The following ITPR1 variants were observed in gnomAD, a reference collection of about 807,000 sequenced individuals.
ITPR1 encodes inositol 1,4,5-trisphosphate-gated calcium channel ITPR1.
Under a neutral mutation model 318.4 loss-of-function variants are expected in ITPR1, and 96 were observed. That is an observed-to-expected ratio of 0.30 (90% CI 0.26 to 0.36). The LOEUF (loss-of-function observed/expected upper bound fraction) is 0.36, where lower values mean the gene tolerates loss of function less well. Among genes scored for constraint, ITPR1 ranks in the 10% least tolerant of loss-of-function variants. The pLI is 1.00. For synonymous variants in ITPR1, 1,312 were observed against 1,289.9 expected (o/e 1.02, Z -0.37); for missense variants, 2,440 against 3,460.2 (o/e 0.71, Z 7.40).
Position 4,645,638 on chromosome 3 carries a change from A to G in ITPR1, c.765A>G (p.Glu255=), listed in dbSNP as rs926159378. The G allele has an allele frequency of 7.4e-6, 12 of 1,613,300 alleles. No individual in the cohort carries two copies. Among genetic ancestry groups the G allele is most frequent in the Non-Finnish European group, 1.0e-5 (12 of 1,179,682 alleles). ...AGGAGAAGTTTCTCACCTGTGACGA[A>G]CACAGGAAGAAGCAGCACGTCTTCC... The part of the protein sequence containing the change: ...AEQEKFLTCD[E]HRKKQHVFLR... The change falls in exon 10 of 62, where the codon GAA becomes GAG. Residue 255 remains glutamate, a synonymous_variant. Coordinates refer to ENST00000649015, the MANE Select transcript of ITPR1 (RefSeq NM_001378452.1).
intron 61 of ITPR1, among the ~76,000 whole-genome samples, chr3:4,843,873 G>T (rs1046969229): frequency 6.6e-6 from 1 of 152,180 alleles, no homozygotes; most frequent in Non-Finnish European, 1.5e-5. Flanking sequence ...AGTTTCAGAG[G>T]TTTCTTCAAG....
chr3:4,691,417 G>T (rs2094476646), intron 32 of ITPR1, 73 bp downstream of exon 32: 1 of 1,036,968 alleles, frequency 9.6e-7, no homozygotes, highest in Admixed American at 2.1e-5. Flanking sequence ...AATCTTATCT[G>T]TATGAACTTG....
chr3:4,499,005 A>G (rs921843827), intron 2 of ITPR1, among the ~76,000 whole-genome samples: 2 of 152,348 alleles, frequency 1.3e-5, no homozygotes, highest in Non-Finnish European at 2.9e-5. Context: ...ATTACATAAG[A>G]TATACATATT....
At chr3:4,518,954 A>G (rs573650678) in intron 3 of ITPR1, among the ~76,000 whole-genome samples, 1 of 152,186 alleles carries the variant, frequency 6.6e-6, no homozygotes, top group African/African-American at 2.4e-5. Context: ...CTTGGGCCTC[A>G]TCCTACAGCA....
At chr3:4,836,260 G>A (rs562442450) in intron 60 of ITPR1, among the ~76,000 whole-genome samples, 23 of 152,196 alleles carry the variant, frequency 1.5e-4, no homozygotes, top group Non-Finnish European at 2.4e-4. Flanking sequence ...CGGCGGGAAT[G>A]GGGTTAGTGT....
At chr3:4,727,260 G>A in intron 42 of ITPR1, 87 bp downstream of exon 42, 2 of 947,762 alleles carry the variant, frequency 2.1e-6, no homozygotes, top group South Asian at 3.6e-5. Flanking sequence ...TTGAGAGACA[G>A]CTTTTGTTGT....
chr3:4,591,573 G>A (rs2090400860), intron 4 of ITPR1, among the ~76,000 whole-genome samples: 1 of 152,118 alleles, frequency 6.6e-6, no homozygotes, highest in Admixed American at 6.5e-5. Context: ...AATGTAAAGA[G>A]GAAAAATAAA....
chr3:4,564,795 C>G (rs935697341), intron 4 of ITPR1, among the ~76,000 whole-genome samples: 1 of 152,132 alleles, frequency 6.6e-6, no homozygotes, highest in Non-Finnish European at 1.5e-5. Context: ...GCTGCCTGAA[C>G]TGTCTCAGAC....
Position 4,696,969 on chromosome 3 carries a change from T to C in ITPR1, c.4282-178T>C, listed in dbSNP as rs3749381. On this transcript the variant is annotated intron_variant, in intron 33 of 61. Transcript: ENST00000649015. ...CATGAAAATATTCTCTTCCAAAAGCTTTATGGTTTTGGATTTCATAATTGT... is the reference window on the plus strand; with the variant it reads ...CATGAAAATATTCTCTTCCAAAAGCCTTATGGTTTTGGATTTCATAATTGT... Among the ~76,000 whole-genome samples, 63,771 of 151,946 alleles carry C rather than the reference T, an allele frequency of 0.42. 14,417 individuals are homozygous for C. The highest frequency in any genetic ancestry group is 0.53 in the Non-Finnish European group (35,839 of 67,930).
At chr3:4,800,781 G>C (rs542884776) in intron 54 of ITPR1, among the ~76,000 whole-genome samples, 181 bp downstream of exon 54, 1 of 152,192 alleles carries the variant, frequency 6.6e-6, no homozygotes, top group Non-Finnish European at 1.5e-5. Flanking sequence ...TGACCTCCGC[G>C]TGGTGCAGTG....
intron 26 of ITPR1, among the ~76,000 whole-genome samples, chr3:4,683,095 C>T (rs2094330657): frequency 6.6e-6 from 1 of 152,200 alleles, no homozygotes; most frequent in Non-Finnish European, 1.5e-5. Flanking sequence ...ACAGACGAAG[C>T]CCAGCAGAAG....
chr3:4,608,399 G>A (rs368030181), intron 4 of ITPR1, among the ~76,000 whole-genome samples: 1 of 152,078 alleles, frequency 6.6e-6, no homozygotes, highest in Non-Finnish European at 1.5e-5. Context: ...TTTGAGACAC[G>A]ATTCAGAAGG....
chr3:4,846,098 G>A, intron 61 of ITPR1, 41 bp from the exon 62 acceptor site: 1 of 1,193,730 alleles, frequency 8.4e-7, no homozygotes, highest in South Asian at 1.4e-5. Flanking sequence ...TGACGTACAG[G>A]AAGTATCTGG....
At chr3:4,669,544 CATGTCTTGGT>C (rs1449416687) in intron 18 of ITPR1, 100 bp from the exon 19 acceptor site, 1 of 1,018,258 alleles carries the variant, frequency 9.8e-7, no homozygotes, top group African/African-American at 1.6e-5. Flanking sequence ...ATGCTGCTGA[CATGTCTTGGT>C]AAAGGTATGT....
intron 61 of ITPR1, among the ~76,000 whole-genome samples, chr3:4,843,591 T>C (rs188874011): frequency 6.6e-6 from 1 of 152,332 alleles, no homozygotes; most frequent in African/African-American, 2.4e-5. Flanking sequence ...TGGCGCATGC[T>C]GAAGTTTGAG....
intron 2 of ITPR1, among the ~76,000 whole-genome samples, chr3:4,511,176 G>T (rs1055858483): frequency 2.6e-5 from 4 of 152,218 alleles, no homozygotes; most frequent in African/African-American, 9.6e-5. Flanking sequence ...GAAAGGTATA[G>T]AGAAGGCAGA....
At chr3:4,752,150 A>G (rs979333936) in intron 44 of ITPR1, among the ~76,000 whole-genome samples, 4 of 152,128 alleles carry the variant, frequency 2.6e-5, no homozygotes, top group Admixed American at 6.5e-5. Flanking sequence ...AAAAATATAT[A>G]TATTTTATTG....
intron 44 of ITPR1, among the ~76,000 whole-genome samples, chr3:4,761,296 G>T (rs1347839584): frequency 6.6e-6 from 1 of 152,090 alleles, no homozygotes; most frequent in Non-Finnish European, 1.5e-5. Flanking sequence ...ACTGTCTGTT[G>T]TTCCCCTCTT....
chr3:4,807,569 C>T (rs1221328766), intron 55 of ITPR1, among the ~76,000 whole-genome samples: 1 of 152,172 alleles, frequency 6.6e-6, no homozygotes, highest in African/African-American at 2.4e-5. Flanking sequence ...TTGTCTTTGT[C>T]ATTCTATATT....
Sources: allele counts gnomAD v4.1 joint callset (sites outside exome capture counted in the v4.1 genomes callset), GRCh38; gene constraint gnomAD v4.1.1; transcripts MANE v1.5; gene names NCBI Gene and HGNC (gene_info 2026-07-23, HGNC 2026-07-21).